Variants in DNAJC6 observed in about 807,000 individuals in gnomAD.
The protein encoded by DNAJC6 is auxilin.
Under a neutral mutation model 110.0 loss-of-function variants are expected in DNAJC6, and 34 were observed. That is an observed-to-expected ratio of 0.31 (90% CI 0.24 to 0.41). DNAJC6 has a LOEUF of 0.41. Among genes scored for constraint, DNAJC6 ranks in the 10% least tolerant of loss-of-function variants. The pLI is 1.00. For synonymous variants in DNAJC6, 406 were observed against 437.2 expected (o/e 0.93, Z 0.89); for missense variants, 1,031 against 1,207.8 (o/e 0.85, Z 2.17).
intron 1 of DNAJC6, among the ~76,000 whole-genome samples, chr1:65,327,143 T>C (rs1645248666): frequency 6.6e-6 from 1 of 152,122 alleles, no homozygotes; most frequent in Non-Finnish European, 1.5e-5. Flanking sequence ...TAGGCAAGAT[T>C]TCTTGGTGGA....
chr1:65,411,683 T>C (rs1381081290), intron 18 of DNAJC6, among the ~76,000 whole-genome samples: 4 of 151,824 alleles, frequency 2.6e-5, no homozygotes, highest in Admixed American at 2.0e-4. Context: ...CAGAAGTAAA[T>C]TGTGTCTGAG....
intron 15 of DNAJC6, among the ~76,000 whole-genome samples, chr1:65,404,917 T>G (rs1646061081): frequency 6.6e-6 from 1 of 152,334 alleles, no homozygotes; most frequent in Non-Finnish European, 1.5e-5. Context: ...TACTACTTAC[T>G]TCCTAAGAGT....
intron 15 of DNAJC6, among the ~76,000 whole-genome samples, chr1:65,405,386 A>G (rs1206063133): frequency 6.6e-6 from 1 of 152,198 alleles, no homozygotes; most frequent in Admixed American, 6.5e-5. Flanking sequence ...GATGAATCCT[A>G]ATAATTGAAG....
intron 5 of DNAJC6, among the ~76,000 whole-genome samples, chr1:65,380,459 C>G (rs922156168): frequency 6.6e-6 from 1 of 152,112 alleles, no homozygotes; most frequent in Non-Finnish European, 1.5e-5. Context: ...TTTTTTCTTT[C>G]TTTTTACTTC....
chr1:65,307,628 T>G (rs1217558521), upstream of DNAJC6, among the ~76,000 whole-genome samples: 1 of 152,160 alleles, frequency 6.6e-6, no homozygotes, highest in Non-Finnish European at 1.5e-5. Flanking sequence ...TCAGGGCACA[T>G]GATGAACACT....
intron 1 of DNAJC6, among the ~76,000 whole-genome samples, chr1:65,330,325 T>C (rs1018960697): frequency 6.6e-6 from 1 of 152,246 alleles, no homozygotes; most frequent in Admixed American, 6.5e-5. Context: ...CAGGAACATG[T>C]TGCAATCCTC....
intron 1 of DNAJC6, among the ~76,000 whole-genome samples, chr1:65,291,828 A>G (rs1025484439): frequency 2.0e-5 from 3 of 152,186 alleles, no homozygotes; most frequent in African/African-American, 4.8e-5. Context: ...GACTAACACA[A>G]CTAGTGGATA....
chr1:65,412,181 T>C (rs758180044), intron 18 of DNAJC6, among the ~76,000 whole-genome samples: 7 of 152,240 alleles, frequency 4.6e-5, no homozygotes, highest in Non-Finnish European at 8.8e-5. Flanking sequence ...TCTTGATTAT[T>C]ACTACATTGA....
rs375604194 is a variant in DNAJC6, at chr1:65,264,871, G to A, written c.-192G>A. ...AAAGTCAGGGTTGCAGAATCAGCCG[G>A]ACTTTCCTGCTCATTTGCAGCAGAG... On this transcript the variant is annotated 5_prime_UTR_variant, in exon 1 of 20. Transcript: ENST00000263441. 6 of 1,612,386 alleles carry A rather than the reference G, an allele frequency of 3.7e-6. No homozygotes were observed. The African/African-American group carries it at 8.0e-5, about 22-fold the overall frequency.
chr1:65,356,082 C>T (rs1209953319), intron 1 of DNAJC6, among the ~76,000 whole-genome samples: 1 of 152,028 alleles, frequency 6.6e-6, no homozygotes, highest in Non-Finnish European at 1.5e-5. Context: ...CTGAAGCTGA[C>T]ATAAAGCCTG....
intron 1 of DNAJC6, among the ~76,000 whole-genome samples, chr1:65,363,171 A>G (rs888910467): frequency 2.0e-5 from 3 of 152,148 alleles, no homozygotes; most frequent in African/African-American, 7.2e-5. Flanking sequence ...CCATGATCCA[A>G]TCACTTCCCA....
intron 1 of DNAJC6, among the ~76,000 whole-genome samples, chr1:65,347,750 C>T (rs1244634753): frequency 6.6e-6 from 1 of 151,984 alleles, no homozygotes; most frequent in Non-Finnish European, 1.5e-5. Context: ...CACACACGTG[C>T]ACACATACAC....
At chr1:65,307,018 C>CTCTCTCTATA (rs1465563773), upstream of DNAJC6, among the ~76,000 whole-genome samples, 7 of 70,708 alleles carry the variant, frequency 9.9e-5, no homozygotes, top group African/African-American at 3.2e-4. Context: ...CTCTCTCTCT[C>CTCTCTCTATA]TATATATATA....
At chr1:65,349,341 C>T (rs1468112008) in intron 1 of DNAJC6, among the ~76,000 whole-genome samples, 1 of 151,794 alleles carries the variant, frequency 6.6e-6, no homozygotes, top group African/African-American at 2.4e-5. Flanking sequence ...TTGCTTGCAA[C>T]AGTGATCTTT....
intron 1 of DNAJC6, among the ~76,000 whole-genome samples, chr1:65,316,218 G>A (rs11208629): frequency 0.063 from 9,517 of 152,140 alleles, 343 homozygotes; most frequent in Non-Finnish European, 0.079. Context: ...ACTTGTTGTC[G>A]CTCCACTGGT....
intron 1 of DNAJC6, among the ~76,000 whole-genome samples, chr1:65,285,621 C>G (rs978755521): frequency 6.6e-6 from 1 of 152,100 alleles, no homozygotes; most frequent in Non-Finnish European, 1.5e-5. Context: ...CCATAGCTTT[C>G]TCTCCCCGCA....
chr1:65,405,815 A>G (rs1646070085), intron 15 of DNAJC6, 55 bp from the exon 16 acceptor site: 7 of 1,532,912 alleles, frequency 4.6e-6, no homozygotes, highest in Non-Finnish European at 6.1e-6. Context: ...TTAAGACACA[A>G]GAGTTAGAGG....
rs568446995 is a variant in DNAJC6 at position 65,316,439 on chromosome 1, A to G, written c.193+6501A>G. 2.6e-5 allele frequency among the ~76,000 whole-genome samples: 4 copies of G among 152,302 alleles called. No individual in the cohort carries two copies. The East Asian group carries it at 7.7e-4, about 29-fold the overall frequency. The stretch of plus-strand genomic sequence containing the variant: ...CCTCAGCAGCCTTTACTTCCGTATC[A>G]CAGCTCTCATCACATTGAGTTGTGA... On this transcript the variant is annotated intron_variant, in intron 1 of 18. Transcript: ENST00000371069.
intron 16 of DNAJC6, 27 bp downstream of exon 16, chr1:65,406,160 T>C: frequency 6.3e-7 from 1 of 1,596,456 alleles, no homozygotes; most frequent in Non-Finnish European, 8.6e-7. Flanking sequence ...GGGACCTAGC[T>C]ATGGGGCAGC....
Sources: gnomAD v4.1 joint callset for allele counts (sites outside exome capture counted in the v4.1 genomes callset) on GRCh38, gnomAD v4.1.1 for gene constraint, MANE v1.5 for transcripts, NCBI Gene and HGNC (gene_info 2026-07-23, HGNC 2026-07-21) for gene names.